HYDIN: variants seen among roughly 807,000 people sequenced by gnomAD.
HYDIN encodes HYDIN axonemal central pair apparatus protein.
A neutral mutation model predicts 403.9 loss-of-function variants in HYDIN; 132 were observed. The ratio of observed to expected loss-of-function variants is 0.33; its 90% confidence interval spans 0.28 to 0.38. HYDIN has a LOEUF of 0.38. Among genes scored for constraint, HYDIN ranks in the 10% least tolerant of loss-of-function variants. HYDIN has a pLI of 1.00. For synonymous variants in HYDIN, 1,202 were observed against 1,891.7 expected, an observed-to-expected ratio of 0.64 and a Z score of 9.46; for missense variants, 2,827 against 5,009.5, an observed-to-expected ratio of 0.56 and a Z score of 13.15.
intron 1 of HYDIN, among the ~76,000 whole-genome samples, chr16:71,228,119 T>C (rs2041121216): frequency 6.6e-6 from 1 of 152,124 alleles, no homozygotes; most frequent in Non-Finnish European, 1.5e-5. Context: ...TGTAGAAAGC[T>C]GAAACTGGAT....
chr16:71,204,301 A>G (rs1443963076), intron 1 of HYDIN, among the ~76,000 whole-genome samples: 2 of 152,230 alleles, frequency 1.3e-5, no homozygotes, highest in Admixed American at 1.3e-4. Flanking sequence ...AATTCTTTTA[A>G]TAAAGCCAGC....
intron 73 of HYDIN, among the ~76,000 whole-genome samples, chr16:70,853,027 A>G (rs1359830738): frequency 4.6e-5 from 7 of 151,802 alleles, no homozygotes; most frequent in Admixed American, 4.6e-4. Context: ...AAAAAAAAAA[A>G]AAAATTAGCC....
intron 65 of HYDIN, 21 bp downstream of exon 65, chr16:70,872,016 T>C (rs1450333464): frequency 1.2e-6 from 2 of 1,609,530 alleles, no homozygotes; most frequent in South Asian, 1.1e-5. Flanking sequence ...TTCCAAAAAA[T>C]GATGAATGAC....
chr16:70,990,128 T>C (rs1613917), intron 25 of HYDIN, among the ~76,000 whole-genome samples: 1 of 152,000 alleles, frequency 6.6e-6, no homozygotes, highest in African/African-American at 2.4e-5. Flanking sequence ...GGGGGCGATG[T>C]CTCATGGCTG....
intron 72 of HYDIN, among the ~76,000 whole-genome samples, chr16:70,856,014 C>G (rs2795812): frequency 0.37 from 38,768 of 105,168 alleles, 6,027 homozygotes; most frequent in African/African-American, 0.57. Context: ...AATTTTAGGA[C>G]AACTAACAAA....
intron 18 of HYDIN, among the ~76,000 whole-genome samples, chr16:71,046,684 T>C (rs975621326): frequency 7.2e-5 from 11 of 152,374 alleles, no homozygotes; most frequent in African/African-American, 2.2e-4. Flanking sequence ...AATTTTTTCC[T>C]TGATAAACAT....
intron 25 of HYDIN, among the ~76,000 whole-genome samples, chr16:70,990,911 C>T (rs1359038113): frequency 6.6e-6 from 1 of 152,192 alleles, no homozygotes; most frequent in Non-Finnish European, 1.5e-5. Flanking sequence ...GGACATACAG[C>T]AATTTATCTT....
chr16:70,925,209 G>C (rs1192216083), intron 45 of HYDIN, among the ~76,000 whole-genome samples: 1 of 152,116 alleles, frequency 6.6e-6, no homozygotes, highest in African/African-American at 2.4e-5. Context: ...CCTGGGGTGG[G>C]CATGGTGGCT....
intron 23 of HYDIN, among the ~76,000 whole-genome samples, chr16:71,008,446 C>T (rs2079962694): frequency 6.6e-6 from 1 of 152,146 alleles, no homozygotes; most frequent in Non-Finnish European, 1.5e-5. Context: ...GGTGGGTACT[C>T]AATCATAGTT....
intron 12 of HYDIN, among the ~76,000 whole-genome samples, chr16:71,082,307 G>C (rs1333444139): frequency 1.3e-5 from 2 of 152,090 alleles, no homozygotes; most frequent in Non-Finnish European, 2.9e-5. Flanking sequence ...ATTTTTAACA[G>C]GTTTTCAAAA....
At chr16:71,207,488 G>C (rs1598031813) in intron 1 of HYDIN, among the ~76,000 whole-genome samples, 1 of 152,232 alleles carries the variant, frequency 6.6e-6, no homozygotes, top group East Asian at 1.9e-4. Context: ...ACACAAACCA[G>C]TGAGACTATA....
At chr16:70,901,634 G>T in intron 52 of HYDIN, among the ~76,000 whole-genome samples, 1 of 137,984 alleles carries the variant, frequency 7.2e-6, no homozygotes. Flanking sequence ...CATCCAGTCT[G>T]GAGTGCAGTG....
At chr16:71,182,830 T>G (rs1336536453) in intron 3 of HYDIN, among the ~76,000 whole-genome samples, 2 of 152,082 alleles carry the variant, frequency 1.3e-5, no homozygotes, top group Admixed American at 1.3e-4. Context: ...AAGTACCAAG[T>G]ACTGGGAGCT....
At chr16:71,079,583 C>A (rs7184770) in intron 13 of HYDIN, among the ~76,000 whole-genome samples, 1 of 151,976 alleles carries the variant, frequency 6.6e-6, no homozygotes, top group South Asian at 2.1e-4. Context: ...ATTCTTGGAG[C>A]TCAATAATGG....
intron 50 of HYDIN, 64 bp downstream of exon 50, chr16:70,907,308 C>G: frequency 2.0e-6 from 1 of 495,674 alleles, no homozygotes; most frequent in Non-Finnish European, 3.7e-6. Flanking sequence ...AGGAATCCTA[C>G]TTGCACTGTT....
chr16:71,175,189 A>T (rs2086621455), intron 5 of HYDIN, among the ~76,000 whole-genome samples: 1 of 151,758 alleles, frequency 6.6e-6, no homozygotes, highest in South Asian at 2.1e-4. Flanking sequence ...CACCACCACT[A>T]CCACTATCAA....
rs1379503985 is a variant in HYDIN at position 70,874,854 on chromosome 16, A to G, written c.10623T>C (p.Tyr3541=). ...FSLKGRPTTA[Y]IYITEENKPH... ...GTTTATTTTCCTCTGTGATGTAGAT[A>G]TACGCGGTGGTGGGCCTCCCTTTCA... Residue 3541 remains tyrosine, a synonymous_variant, in exon 63 of 86, where the codon TAT becomes TAC. Coordinates refer to ENST00000393567, the MANE Select transcript of HYDIN (RefSeq NM_001270974.2). 6.2e-6 allele frequency: 10 copies of G among 1,613,350 alleles called. No homozygotes were observed. The Admixed American group carries it at 8.3e-5, about 13-fold the overall frequency.
At chr16:71,097,863 G>T (rs1473567592) in intron 10 of HYDIN, among the ~76,000 whole-genome samples, 5 of 151,936 alleles carry the variant, frequency 3.3e-5, no homozygotes, top group Non-Finnish European at 7.4e-5. Flanking sequence ...GCTTAGAACA[G>T]CCAAGTGATA....
intron 5 of HYDIN, among the ~76,000 whole-genome samples, chr16:71,163,926 T>C (rs1010701812): frequency 1.3e-5 from 2 of 151,926 alleles, no homozygotes; most frequent in African/African-American, 4.8e-5. Context: ...CACAAAGCCA[T>C]TTCTGACCAT....
Sources: allele counts gnomAD v4.1 joint callset (sites outside exome capture counted in the v4.1 genomes callset), GRCh38; gene constraint gnomAD v4.1.1; transcripts MANE v1.5; gene names NCBI Gene and HGNC (gene_info 2026-07-23, HGNC 2026-07-21).